PI4K2A: variants seen among roughly 807,000 people sequenced by gnomAD.
PI4K2A encodes phosphatidylinositol 4-kinase type 2 alpha.
In PI4K2A, 20 loss-of-function variants were observed where a neutral mutation model predicts 55.0. That is an observed-to-expected ratio of 0.36 (90% CI 0.26 to 0.53). The LOEUF (loss-of-function observed/expected upper bound fraction) is 0.53. Ranked by LOEUF, PI4K2A falls within the 20% of genes least tolerant of loss-of-function variation. The pLI, the probability that PI4K2A is intolerant of heterozygous loss-of-function variation, is 0.91. For missense variants in PI4K2A, 463 were observed against 637.1 expected, an observed-to-expected ratio of 0.73 and a Z score of 2.94; for synonymous variants, 235 against 258.5, an observed-to-expected ratio of 0.91 and a Z score of 0.87.
Position 97,661,218 on chromosome 10 carries a change from C to T in PI4K2A, c.923-1689C>T, listed in dbSNP as rs535575590. Among the ~76,000 whole-genome samples the T allele has an allele frequency of 1.6e-4, 25 of 152,238 alleles. No homozygotes were observed. In the South Asian group the frequency reaches 4.4e-3, roughly 27 times the overall value. ...GTGTTAGCCAGGATGGTCTCGATCT[C>T]CTGACCTCGTGATCCGCCCACCTCG... On this transcript the variant is annotated intron_variant, in intron 4 of 8. Coordinates refer to ENST00000370631, the Ensembl canonical transcript of PI4K2A.
chr10:97,674,774 T>G (rs1288695938), exon 9 of PI4K2A: 2 of 152,228 alleles, frequency 1.3e-5, no homozygotes, highest in East Asian at 1.9e-4. Context: ...GTTCTTGGAC[T>G]TTTTTCTGTG....
exon 9 of PI4K2A, chr10:97,675,516 TAGGAGCCAGA>T (rs1459512888): frequency 6.6e-6 from 1 of 152,578 alleles, no homozygotes; most frequent in African/African-American, 2.4e-5. Flanking sequence ...CCCTTGACTG[TAGGAGCCAGA>T]AGGGGACCCA....
chr10:97,658,927 C>T (rs1003111472), intron 4 of PI4K2A, among the ~76,000 whole-genome samples: 1 of 152,052 alleles, frequency 6.6e-6, no homozygotes, highest in Non-Finnish European at 1.5e-5. Context: ...TTTTTTTGGT[C>T]ATTATTGTTG....
intron 6 of PI4K2A, among the ~76,000 whole-genome samples, chr10:97,665,243 A>G (rs2041604021): frequency 6.6e-6 from 1 of 151,702 alleles, no homozygotes; most frequent in Non-Finnish European, 1.5e-5. Context: ...GAGTTTTCTC[A>G]TTGTCTCTTT....
Position 97,656,296 on chromosome 10 carries a change from G to C in PI4K2A, c.648G>C (p.Leu216=). 6.2e-7 allele frequency: 1 copy of C among 1,613,558 alleles called. No individual in the cohort carries two copies. Among genetic ancestry groups the C allele is most frequent in the Middle Eastern group, 1.7e-4 (1 of 6,056 alleles). ...CTCTTTCACTGTAGGTAGTATACCTGGCCAGTGAGACCTTCAACTATAGTG... is the reference window on the plus strand; with the variant it reads ...CTCTTTCACTGTAGGTAGTATACCTCGCCAGTGAGACCTTCAACTATAGTG... Residue 216 remains leucine, a synonymous_variant, in exon 3 of 9, where the codon CTG becomes CTC. Transcript: ENST00000370631. This position sits in a 1 kb window ranked among gnomAD's most constrained non-coding sequence, Gnocchi z 4.5.
At chr10:97,660,213 G>A (rs2041574684) in intron 4 of PI4K2A, among the ~76,000 whole-genome samples, 1 of 150,592 alleles carries the variant, frequency 6.6e-6, no homozygotes, top group South Asian at 2.1e-4. Context: ...GTGTTAGCCA[G>A]GATGGTCTCG....
chr10:97,655,712 T>C (rs1481444404), intron 2 of PI4K2A, among the ~76,000 whole-genome samples: 1 of 152,008 alleles, frequency 6.6e-6, no homozygotes, highest in Non-Finnish European at 1.5e-5. Flanking sequence ...GTATCTAGGA[T>C]TACAGACGTG....
At position 97,670,925 on chromosome 10, in the gene PI4K2A, G is replaced by C. The variant is rs567883543; in HGVS notation, c.1279-2656G>C. Among the ~76,000 whole-genome samples the C allele has an allele frequency of 2.8e-4, 43 of 152,146 alleles. No individual in the cohort carries two copies. In the East Asian group the frequency reaches 8.1e-3, roughly 29 times the overall value. ...GGCCGAGGCGGGTGGATCACCTGAG[G>C]TTGGGAGTTCGAGACCAGACTGACC... On this transcript the variant is annotated intron_variant, in intron 8 of 8. Coordinates refer to ENST00000370631, the Ensembl canonical transcript of PI4K2A.
At chr10:97,646,873 C>T (rs2041507610) in intron 1 of PI4K2A, among the ~76,000 whole-genome samples, 1 of 152,060 alleles carries the variant, frequency 6.6e-6, no homozygotes. Flanking sequence ...CTCCTGGGTT[C>T]AAGCGATTCT....
chr10:97,670,347 T>C (rs1042611804), intron 8 of PI4K2A, among the ~76,000 whole-genome samples: 3 of 152,246 alleles, frequency 2.0e-5, no homozygotes, highest in Non-Finnish European at 4.4e-5. Flanking sequence ...CTTTTTAATT[T>C]GGAAATTTTC....
chr10:97,653,220 AC>A (rs1397173904), intron 2 of PI4K2A, among the ~76,000 whole-genome samples: 3 of 152,214 alleles, frequency 2.0e-5, no homozygotes, highest in Admixed American at 6.5e-5. Flanking sequence ...CTCTATGCCT[AC>A]CTGCTCTGTT....
intron 8 of PI4K2A, among the ~76,000 whole-genome samples, chr10:97,670,194 C>G (rs1161657201): frequency 2.0e-5 from 3 of 152,196 alleles, no homozygotes; most frequent in Non-Finnish European, 2.9e-5. Context: ...GCCACCACAT[C>G]CAGCCCAACA....
chr10:97,658,490 A>G lies in PI4K2A; in HGVS notation c.922+1516A>G, dbSNP rs186976215. The stretch of plus-strand genomic sequence containing the variant: ...TTTAGCTATTACGAACAATGCTACT[A>G]TGAACATGGGTGTACAAATATCTCT... On this transcript the variant is annotated intron_variant, in intron 4 of 8. Transcript: ENST00000370631. Among the ~76,000 whole-genome samples the G allele has an allele frequency of 1.8e-3, 275 of 152,374 alleles. 2 individuals are homozygous for G. The highest frequency in any genetic ancestry group is 7.8e-4 in the Non-Finnish European group (53 of 68,046).
At chr10:97,654,484 G>T (rs2041543316) in intron 2 of PI4K2A, among the ~76,000 whole-genome samples, 1 of 151,902 alleles carries the variant, frequency 6.6e-6, no homozygotes, top group African/African-American at 2.4e-5. Flanking sequence ...AAAAAAAATA[G>T]TTATTTGTAA....
intron 8 of PI4K2A, among the ~76,000 whole-genome samples, chr10:97,671,788 C>T (rs142714745): frequency 0.02 from 3,032 of 152,030 alleles, 115 homozygotes; most frequent in African/African-American, 0.07. Context: ...TACAGGCACT[C>T]GCCATCATGC....
intron 6 of PI4K2A, among the ~76,000 whole-genome samples, chr10:97,665,781 C>T (rs899947627): frequency 6.6e-6 from 1 of 151,582 alleles, no homozygotes; most frequent in African/African-American, 2.4e-5. Context: ...TTAGTAGAGA[C>T]AGGGTTTCAG....
chr10:97,657,069 T>C, intron 4 of PI4K2A, 95 bp downstream of exon 4: 1 of 1,208,670 alleles, frequency 8.3e-7, no homozygotes, highest in Non-Finnish European at 1.2e-6. Context: ...CAGAGTACCT[T>C]GTCCAGACAC....
exon 1 of PI4K2A, chr10:97,640,717 G>T (rs370481580): frequency 5.7e-5 from 82 of 1,447,946 alleles, no homozygotes; most frequent in Non-Finnish European, 7.4e-5. Context: ...GGAGCGCGCC[G>T]GGTCCCGGAG....
chr10:97,649,510 CTT>C (rs1435461415), intron 1 of PI4K2A, among the ~76,000 whole-genome samples: 1 of 148,782 alleles, frequency 6.7e-6, no homozygotes, highest in Non-Finnish European at 1.5e-5. Flanking sequence ...GTAGCAGAGT[CTT>C]TTTCCTGCTG....
Sources: gnomAD v4.1 joint callset for allele counts (sites outside exome capture counted in the v4.1 genomes callset) on GRCh38, gnomAD v4.1.1 for gene constraint, Gnocchi (gnomAD v3.1) non-coding constraint, MANE v1.5 for transcripts, NCBI Gene and HGNC (gene_info 2026-07-23, HGNC 2026-07-21) for gene names.